The following MYCBP2 variants were observed in gnomAD, a reference collection of about 807,000 sequenced individuals.
The protein encoded by MYCBP2 is MYC binding protein 2.
A neutral mutation model predicts 525.3 loss-of-function variants in MYCBP2; 120 were observed. That is an observed-to-expected ratio of 0.23 (90% CI 0.20 to 0.27). The LOEUF (loss-of-function observed/expected upper bound fraction) is 0.27. MYCBP2 is among the 10% of genes least tolerant of loss of function. MYCBP2 has a pLI of 1.00. For synonymous variants in MYCBP2, 1,894 were observed against 1,955.8 expected (o/e 0.97, Z 0.83); for missense variants, 4,149 against 5,657.1 (o/e 0.73, Z 8.55).
chr13:77,255,433 C>A (rs1300905949), intron 14 of MYCBP2, among the ~76,000 whole-genome samples: 1 of 151,802 alleles, frequency 6.6e-6, no homozygotes, highest in Non-Finnish European at 1.5e-5. Context: ...GAATCTAGAA[C>A]ATAGGTGTAA....
intron 43 of MYCBP2, among the ~76,000 whole-genome samples, chr13:77,162,481 C>G (rs1162387985): frequency 6.6e-6 from 1 of 152,090 alleles, no homozygotes. Context: ...TAAAGTAATA[C>G]TTGTTCAATG....
At chr13:77,069,262 C>T (rs1434356867) in intron 69 of MYCBP2, among the ~76,000 whole-genome samples, 1 of 152,150 alleles carries the variant, frequency 6.6e-6, no homozygotes, top group Admixed American at 6.5e-5. Flanking sequence ...TTCAATGAAA[C>T]ACTGCTAGAA....
chr13:77,120,760 C>G (rs935331156), intron 55 of MYCBP2, among the ~76,000 whole-genome samples: 4 of 152,122 alleles, frequency 2.6e-5, no homozygotes, highest in African/African-American at 9.7e-5. Context: ...TGATGCTGGT[C>G]TCTTCCATTA....
chr13:77,203,045 G>T (rs1369483493), intron 26 of MYCBP2, among the ~76,000 whole-genome samples: 2 of 151,072 alleles, frequency 1.3e-5, no homozygotes, highest in Admixed American at 1.3e-4. Context: ...TTCTGGCCAG[G>T]GCAATTAGGC....
intron 18 of MYCBP2, among the ~76,000 whole-genome samples, chr13:77,228,609 A>G (rs1225188857): frequency 7.2e-5 from 11 of 152,134 alleles, no homozygotes; most frequent in Non-Finnish European, 5.9e-5. Flanking sequence ...AACATTGTCA[A>G]TAAAAAATTG....
intron 1 of MYCBP2, among the ~76,000 whole-genome samples, chr13:77,316,852 T>C (rs1440085487): frequency 6.7e-6 from 1 of 148,466 alleles, no homozygotes; most frequent in East Asian, 1.9e-4. Context: ...ATAGATCACC[T>C]GTGTGCCAAA....
intron 17 of MYCBP2, among the ~76,000 whole-genome samples, chr13:77,238,768 G>C (rs2068359200): frequency 6.6e-6 from 1 of 152,160 alleles, no homozygotes; most frequent in Non-Finnish European, 1.5e-5. Flanking sequence ...TAAGAGACCT[G>C]GTGTCATAAA....
chr13:77,181,999 G>A, intron 32 of MYCBP2, 77 bp from the exon 33 acceptor site: 1 of 1,124,270 alleles, frequency 8.9e-7, no homozygotes, highest in Admixed American at 2.5e-5. Flanking sequence ...ATACATAAAA[G>A]GTAAACCATC....
chr13:77,321,233 C>A (rs1040277523), intron 1 of MYCBP2, among the ~76,000 whole-genome samples: 1 of 152,212 alleles, frequency 6.6e-6, no homozygotes, highest in East Asian at 1.9e-4. Flanking sequence ...TTTTATTTTC[C>A]TTTTAAGCCC....
chr13:77,269,580 T>C (rs980053735), intron 7 of MYCBP2, among the ~76,000 whole-genome samples: 1 of 152,100 alleles, frequency 6.6e-6, no homozygotes, highest in Non-Finnish European at 1.5e-5. Context: ...GAGCCGAGAC[T>C]GTGCCACTCC....
intron 13 of MYCBP2, among the ~76,000 whole-genome samples, chr13:77,258,537 A>G (rs946187680): frequency 6.6e-6 from 1 of 152,182 alleles, no homozygotes; most frequent in African/African-American, 2.4e-5. Context: ...TAAATTACAA[A>G]TAGTATCAAT....
intron 46 of MYCBP2, among the ~76,000 whole-genome samples, chr13:77,152,165 T>G (rs1023843680): frequency 6.6e-6 from 1 of 152,236 alleles, no homozygotes; most frequent in African/African-American, 2.4e-5. Context: ...CTTTCGCTAT[T>G]TATATAATGT....
chr13:77,122,121 C>T (rs9573999), intron 54 of MYCBP2, among the ~76,000 whole-genome samples: 4,672 of 151,732 alleles, frequency 0.031, 213 homozygotes, highest in East Asian at 0.17. Flanking sequence ...AATGTTTTAT[C>T]CATTTACAAA....
chr13:77,079,973 T>TGTTAA (rs2043018641), intron 65 of MYCBP2, among the ~76,000 whole-genome samples: 2 of 152,126 alleles, frequency 1.3e-5, no homozygotes, highest in Admixed American at 1.3e-4. Context: ...AAGACAGAAG[T>TGTTAA]GTTAAATTGA....
rs1306181164 is a variant in MYCBP2 at position 77,169,675 on chromosome 13, A to G, written c.5834T>C (p.Phe1945Ser). 6.2e-7 allele frequency: 1 copy of G among 1,614,006 alleles called. No individual in the cohort carries two copies. The highest frequency in any genetic ancestry group is 8.5e-7 in the Non-Finnish European group (1 of 1,180,030). Residue 1945 changes from phenylalanine (F) to serine (S), a missense_variant, in exon 39 of 83, where the codon TTT becomes TCT. Physicochemically the swap from Phe to Ser is radical, Grantham distance 155 (BLOSUM62 -2). Coordinates refer to ENST00000544440, the MANE Select transcript of MYCBP2 (RefSeq NM_015057.5). Reference sequence around the variant, plus strand: ...TATAATAAGGGGGAGCAGCATGGAAAACAGACTGGAAGAACTCAGCAGTTC... The same window carrying G: ...TATAATAAGGGGGAGCAGCATGGAAGACAGACTGGAAGAACTCAGCAGTTC... ...IPELLSSSSL[F>S]SMLLPLIIAY...
chr13:77,144,305 A>G (rs549714365), intron 49 of MYCBP2, 140 bp downstream of exon 49: 380 of 632,930 alleles, frequency 6.0e-4, no homozygotes, highest in Non-Finnish European at 8.0e-4. Flanking sequence ...CTCATTATGA[A>G]AGAGAAAACA....
At chr13:77,241,755 A>G (rs146270363) in intron 17 of MYCBP2, among the ~76,000 whole-genome samples, 7 of 152,298 alleles carry the variant, frequency 4.6e-5, no homozygotes, top group Non-Finnish European at 1.0e-4. Context: ...TGTGCCAAGT[A>G]TATGTTTTAC....
intron 15 of MYCBP2, among the ~76,000 whole-genome samples, chr13:77,248,241 T>C (rs2070426314): frequency 6.7e-6 from 1 of 150,136 alleles, no homozygotes; most frequent in Admixed American, 6.6e-5. Flanking sequence ...CAGGCGACAA[T>C]AACCAAAAAA....
At chr13:77,121,105 T>G (rs2050617723) in intron 55 of MYCBP2, 1 of 211,008 alleles carries the variant, frequency 4.7e-6, no homozygotes, top group Admixed American at 5.8e-5. Flanking sequence ...CTTTAGGATA[T>G]GAAATCAAAA....
Sources: gnomAD v4.1 joint callset for allele counts (sites outside exome capture counted in the v4.1 genomes callset) on GRCh38, gnomAD v4.1.1 for gene constraint, MANE v1.5 for transcripts, NCBI Gene and HGNC (gene_info 2026-07-23, HGNC 2026-07-21) for gene names.